The following ADGRB3 variants were observed in gnomAD, a reference collection of about 807,000 sequenced individuals.
The protein encoded by ADGRB3 is adhesion G protein-coupled receptor B3, also known as brain-specific angiogenesis inhibitor 3.
ADGRB3 carries 37 observed loss-of-function variants against 193.4 expected under a neutral mutation model. The ratio of observed to expected loss-of-function variants is 0.19; its 90% CI spans 0.15 to 0.25. ADGRB3 has a LOEUF of 0.25. Among genes scored for constraint, ADGRB3 ranks in the 10% least tolerant of loss-of-function variants. ADGRB3 has a pLI of 1.00. For synonymous variants in ADGRB3, 690 were observed against 644.2 expected (o/e 1.07, Z -1.08); for missense variants, 1,637 against 1,852.9 (o/e 0.88, Z 2.14).
intron 3 of ADGRB3, among the ~76,000 whole-genome samples, chr6:68,668,778 G>A (rs150212277): frequency 5.1e-4 from 77 of 151,764 alleles, no homozygotes; most frequent in African/African-American, 1.7e-3. Context: ...CTAGAACCTC[G>A]AGTTTCTTTT....
rs188928578 is a variant in ADGRB3 at position 68,961,098 on chromosome 6, A to G, written c.1525+4289A>G. Among the ~76,000 whole-genome samples the G allele has an allele frequency of 1.7e-4, 26 of 152,262 alleles. No individual in the cohort carries two copies. The East Asian group carries it at 4.8e-3, about 28-fold the overall frequency. ...TGGAATTGGTTGATAATGAAAACAC[A>G]ATTCATTTTGAATGCCTCTAGCCAA... On this transcript the variant is annotated intron_variant, in intron 8 of 31. Transcript: ENST00000370598.
chr6:69,291,074 T>C (rs184868133), intron 20 of ADGRB3, among the ~76,000 whole-genome samples: 13 of 152,266 alleles, frequency 8.5e-5, no homozygotes, highest in Admixed American at 7.2e-4. Flanking sequence ...TGGAAATGGG[T>C]TTCTAAAGGA....
At chr6:68,701,977 A>G (rs1765249622) in intron 3 of ADGRB3, among the ~76,000 whole-genome samples, 1 of 152,146 alleles carries the variant, frequency 6.6e-6, no homozygotes. Flanking sequence ...TTATTGGACA[A>G]GCACAGTTTA....
intron 3 of ADGRB3, among the ~76,000 whole-genome samples, chr6:68,768,730 AAACT>A (rs1293866280): frequency 5.3e-5 from 8 of 152,218 alleles, no homozygotes; most frequent in African/African-American, 1.9e-4. Flanking sequence ...ACAGCAAAAC[AAACT>A]ATCATCAGGG....
At chr6:69,104,379 T>C (rs1773152397) in intron 17 of ADGRB3, among the ~76,000 whole-genome samples, 1 of 151,848 alleles carries the variant, frequency 6.6e-6, no homozygotes, top group African/African-American at 2.4e-5. Context: ...TCGTTTTCTA[T>C]GGCTGCATAG....
At chr6:69,091,742 A>G (rs1486307681) in intron 17 of ADGRB3, among the ~76,000 whole-genome samples, 1 of 152,158 alleles carries the variant, frequency 6.6e-6, no homozygotes, top group Non-Finnish European at 1.5e-5. Flanking sequence ...CCATGATACA[A>G]ATTTACCTAA....
At chr6:69,115,523 C>T (rs763023838) in intron 17 of ADGRB3, among the ~76,000 whole-genome samples, 1 of 152,082 alleles carries the variant, frequency 6.6e-6, no homozygotes, top group African/African-American at 2.4e-5. Flanking sequence ...TGCAGCAAAC[C>T]ACCACGGCAC....
At chr6:69,311,055 A>G (rs1768179852) in intron 20 of ADGRB3, among the ~76,000 whole-genome samples, 2 of 151,750 alleles carry the variant, frequency 1.3e-5, no homozygotes, top group Admixed American at 6.6e-5. Context: ...GTCTATTAAA[A>G]CAATAACAGG....
intron 17 of ADGRB3, among the ~76,000 whole-genome samples, chr6:69,203,879 C>G (rs778848978): frequency 3.3e-5 from 5 of 152,052 alleles, no homozygotes; most frequent in Non-Finnish European, 7.4e-5. Context: ...TGTACAGAAG[C>G]CAAGAGGTCT....
chr6:69,087,300 A>G (rs1772578505), intron 17 of ADGRB3, among the ~76,000 whole-genome samples: 1 of 152,196 alleles, frequency 6.6e-6, no homozygotes, highest in Admixed American at 6.5e-5. Context: ...ATCTAGAAAC[A>G]CATGGAAAAT....
chr6:69,120,043 G>T (rs546269558), intron 17 of ADGRB3, among the ~76,000 whole-genome samples: 1 of 152,074 alleles, frequency 6.6e-6, no homozygotes, highest in Non-Finnish European at 1.5e-5. Flanking sequence ...TGAAAAATTC[G>T]ATTTAGAATG....
At position 69,031,550 on chromosome 6, in the gene ADGRB3, T is replaced by TTTTTTTCTTTCTTTCTTTC. The variant is rs1770700304; in HGVS notation, c.2107+13055_2107+13056insTTCTTTCTTTCTTTCTTTT. Reference sequence around the variant, plus strand: ...CTTTCTTTCTTTCTTTCTTTCTTTCTTTTTCTTTCTTTCTTTTCTTCCTCT... The same window carrying TTTTTTTCTTTCTTTCTTTC: ...CTTTCTTTCTTTCTTTCTTTCTTTCTTTTTTTCTTTCTTTCTTTCTTTTCTTTCTTTCTTTTCTTCCTCT... On this transcript the variant is annotated intron_variant, in intron 13 of 31. Coordinates refer to ENST00000370598, the MANE Select transcript of ADGRB3 (RefSeq NM_001704.3). Among the ~76,000 whole-genome samples the TTTTTTTCTTTCTTTCTTTC allele has an allele frequency of 2.9e-5, 2 of 70,132 alleles. 1 individual carries two copies. Among genetic ancestry groups the TTTTTTTCTTTCTTTCTTTC allele is most frequent in the Non-Finnish European group, 6.1e-5 (2 of 32,952 alleles). The allele number at this position is 70,132 out of a possible 152,430, so 46.0% of individuals were successfully genotyped here. A position where few individuals can be genotyped will look rare whatever the true frequency, so the allele number is the denominator to read the frequency against.
chr6:69,170,038 C>T (rs1260554696), intron 17 of ADGRB3, among the ~76,000 whole-genome samples: 1 of 152,052 alleles, frequency 6.6e-6, no homozygotes, highest in Non-Finnish European at 1.5e-5. Flanking sequence ...GTTCTAAGTA[C>T]AATTAATGAA....
At chr6:69,314,869 T>C (rs1768279249) in intron 20 of ADGRB3, among the ~76,000 whole-genome samples, 1 of 151,726 alleles carries the variant, frequency 6.6e-6, no homozygotes, top group South Asian at 2.1e-4. Context: ...GAAATGAACC[T>C]TGTCTTCACA....
At position 69,232,976 on chromosome 6, in the gene ADGRB3, G is replaced by A. The variant is rs148764661; in HGVS notation, c.2481-314G>A. ...AGGAAGTGGCTGCCAACGCTCTGGC[G>A]GCTGCTCGTGCTGCCGCCGCTGCCG... On this transcript the variant is annotated intron_variant, in intron 17 of 31. Coordinates refer to ENST00000370598, the MANE Select transcript of ADGRB3 (RefSeq NM_001704.3). 1,937 of 431,858 alleles carry A rather than the reference G, an allele frequency of 4.5e-3. 34 individuals are homozygous for A. The highest frequency in any genetic ancestry group is 0.036 in the African/African-American group (1,795 of 49,780). 26.8% of individuals were successfully genotyped at this position (431,858 alleles called of 1,614,324 possible).
Position 69,035,937 on chromosome 6 carries a change from T to C in ADGRB3, c.2108-12248T>C, listed in dbSNP as rs185483779. Among the ~76,000 whole-genome samples, 635 of 152,278 alleles carry C rather than the reference T, an allele frequency of 4.2e-3. 9 individuals are homozygous for C. The highest frequency in any genetic ancestry group is 0.015 in the African/African-American group (603 of 41,574). On this transcript the variant is annotated intron_variant, in intron 13 of 31. Transcript: ENST00000370598. ...AAGATTACACAGGGAATGCATATTT[T>C]GATGAAGAGTGGGTGGAAATCCAGA...
At chr6:68,670,392 T>C (rs1490628394) in intron 3 of ADGRB3, among the ~76,000 whole-genome samples, 1 of 152,044 alleles carries the variant, frequency 6.6e-6, no homozygotes, top group Non-Finnish European at 1.5e-5. Context: ...AGTAGTTTCA[T>C]AGTTTGAGGT....
intron 3 of ADGRB3, among the ~76,000 whole-genome samples, chr6:68,844,422 G>A (rs1320493608): frequency 1.3e-5 from 2 of 152,092 alleles, no homozygotes; most frequent in Non-Finnish European, 2.9e-5. Context: ...TGAGAGAAAT[G>A]TGAATGAAAG....
At chr6:68,785,899 G>C (rs1052506114) in intron 3 of ADGRB3, among the ~76,000 whole-genome samples, 1 of 152,140 alleles carries the variant, frequency 6.6e-6, no homozygotes, top group African/African-American at 2.4e-5. Context: ...GCATTTCTCT[G>C]ATGGCCAGTG....
Sources: allele counts gnomAD v4.1 joint callset (sites outside exome capture counted in the v4.1 genomes callset), GRCh38; gene constraint gnomAD v4.1.1; transcripts MANE v1.5; gene names NCBI Gene and HGNC (gene_info 2026-07-23, HGNC 2026-07-21).